LUZP2: variants seen among roughly 807,000 people sequenced by gnomAD.
LUZP2 encodes leucine zipper protein 2.
LUZP2 carries 52 observed loss-of-function variants against 51.6 expected under a neutral mutation model. That is an observed-to-expected ratio of 1.01 (90% CI 0.81 to 1.27). The LOEUF (loss-of-function observed/expected upper bound fraction) is 1.27, where lower values mean the gene tolerates loss of function less well. LUZP2 is among the 50% of genes most tolerant of loss of function. LUZP2 has a pLI of 0.00. For synonymous variants in LUZP2, 154 were observed against 137.3 expected, an observed-to-expected ratio of 1.12 and a Z score of -0.85; for missense variants, 436 against 395.4, an observed-to-expected ratio of 1.10 and a Z score of -0.87.
At chr11:24,813,237 G>A (rs1590575236) in intron 5 of LUZP2, among the ~76,000 whole-genome samples, 1 of 152,134 alleles carries the variant, frequency 6.6e-6, no homozygotes, top group East Asian at 1.9e-4. Context: ...TTCTTGTCTG[G>A]TAGTTCTCTA....
rs188415061 is a variant in LUZP2, at chr11:24,544,207, A to G, written c.62+46902A>G. ...GTGTCTGGTTCCGATGATCATCTTCAGTAATTGCCTGTCCGGAGGTCCAGT... is the reference window on the plus strand; with the variant it reads ...GTGTCTGGTTCCGATGATCATCTTCGGTAATTGCCTGTCCGGAGGTCCAGT... On this transcript the variant is annotated intron_variant, in intron 1 of 11. Transcript: ENST00000336930. Among the ~76,000 whole-genome samples, 353 of 152,164 alleles carry G rather than the reference A, an allele frequency of 2.3e-3. 1 individual carries two copies. Among genetic ancestry groups the G allele is most frequent in the African/African-American group, 8.2e-3 (341 of 41,540 alleles).
intron 1 of LUZP2, among the ~76,000 whole-genome samples, chr11:24,580,186 T>A (rs10834394): frequency 0.58 from 87,656 of 151,924 alleles, 25,890 homozygotes; most frequent in East Asian, 0.73. Context: ...TAGGCGCACA[T>A]CTGCAAGTCT....
At chr11:24,530,276 G>A (rs1850952030) in intron 1 of LUZP2, among the ~76,000 whole-genome samples, 1 of 150,772 alleles carries the variant, frequency 6.6e-6, no homozygotes, top group African/African-American at 2.4e-5. Flanking sequence ...CATAACTTCA[G>A]TATTGGCATA....
intron 5 of LUZP2, among the ~76,000 whole-genome samples, chr11:24,870,834 A>G (rs979145932): frequency 1.8e-4 from 28 of 152,306 alleles, no homozygotes; most frequent in African/African-American, 6.5e-4. Context: ...TAAGAAGTCC[A>G]GTAGCTGTTG....
chr11:24,978,930 CATT>C (rs1855952345), intron 8 of LUZP2, among the ~76,000 whole-genome samples: 1 of 151,682 alleles, frequency 6.6e-6, no homozygotes, highest in African/African-American at 2.4e-5. Flanking sequence ...CAACCCCTGT[CATT>C]ATGTCCCTAA....
intron 5 of LUZP2, among the ~76,000 whole-genome samples, chr11:24,877,874 C>T (rs919741307): frequency 6.6e-6 from 1 of 152,010 alleles, no homozygotes; most frequent in Non-Finnish European, 1.5e-5. Context: ...TCTTTCAGTG[C>T]CTGGCTTATT....
intron 1 of LUZP2, among the ~76,000 whole-genome samples, chr11:24,726,654 G>C (rs1429601925): frequency 6.6e-6 from 1 of 151,662 alleles, no homozygotes; most frequent in African/African-American, 2.4e-5. Context: ...TTTTAAGAGA[G>C]AAAGAAAAAA....
intron 1 of LUZP2, among the ~76,000 whole-genome samples, chr11:24,506,796 T>A (rs111797943): frequency 6.6e-6 from 1 of 151,922 alleles, no homozygotes. Context: ...TATCCCATAT[T>A]CCCCCAGCTA....
intron 1 of LUZP2, among the ~76,000 whole-genome samples, chr11:24,666,399 A>G (rs1018660155): frequency 6.6e-6 from 1 of 152,200 alleles, no homozygotes; most frequent in Non-Finnish European, 1.5e-5. Context: ...AATTGCCTGA[A>G]AAATACAGAC....
At chr11:24,871,222 A>G (rs1164372372) in intron 5 of LUZP2, among the ~76,000 whole-genome samples, 4 of 152,120 alleles carry the variant, frequency 2.6e-5, no homozygotes, top group Non-Finnish European at 5.9e-5. Context: ...TAAATTTTTA[A>G]AAATGAATTT....
intron 3 of LUZP2, among the ~76,000 whole-genome samples, chr11:24,734,361 C>T (rs1025351634): frequency 1.5e-5 from 1 of 68,736 alleles, no homozygotes; most frequent in African/African-American, 6.4e-5. Flanking sequence ...AAAAACAACA[C>T]AAAAATCAGG....
intron 9 of LUZP2, among the ~76,000 whole-genome samples, chr11:25,044,807 C>T (rs527720919): frequency 2.2e-4 from 33 of 152,030 alleles, no homozygotes; most frequent in African/African-American, 8.0e-4. Flanking sequence ...TTGGAACCAA[C>T]CTAAATGTCC....
chr11:24,512,567 A>G (rs1167092427), intron 1 of LUZP2, among the ~76,000 whole-genome samples: 2 of 152,152 alleles, frequency 1.3e-5, no homozygotes, highest in African/African-American at 4.8e-5. Context: ...TAATTATGGT[A>G]CTTTTTATTT....
At chr11:24,705,304 T>C (rs1331549140) in intron 1 of LUZP2, among the ~76,000 whole-genome samples, 1 of 152,216 alleles carries the variant, frequency 6.6e-6, no homozygotes, top group Admixed American at 6.5e-5. Context: ...AGAGGATGTG[T>C]AGGGAAACAT....
At chr11:25,045,856 A>G (rs940019236) in intron 9 of LUZP2, among the ~76,000 whole-genome samples, 13 of 152,136 alleles carry the variant, frequency 8.5e-5, no homozygotes, top group Admixed American at 6.6e-5. Flanking sequence ...CTGTGGTTAC[A>G]TGCAAAAAAT....
intron 7 of LUZP2, among the ~76,000 whole-genome samples, chr11:24,939,999 C>T (rs990045882): frequency 3.3e-5 from 5 of 152,034 alleles, no homozygotes; most frequent in African/African-American, 1.2e-4. Flanking sequence ...GACTGATCAG[C>T]AGGTCCACTG....
chr11:24,988,557 G>A (rs552014533), intron 9 of LUZP2, among the ~76,000 whole-genome samples: 11 of 152,066 alleles, frequency 7.2e-5, no homozygotes, highest in African/African-American at 2.2e-4. Context: ...GTAAAATACC[G>A]TGACTATATG....
chr11:24,845,379 G>A (rs1851168384), intron 5 of LUZP2, among the ~76,000 whole-genome samples: 2 of 152,064 alleles, frequency 1.3e-5, no homozygotes, highest in African/African-American at 4.8e-5. Context: ...ATCTGCTTTC[G>A]ATTTTACTGG....
At chr11:24,746,797 C>T (rs943731855) in intron 4 of LUZP2, among the ~76,000 whole-genome samples, 2 of 152,100 alleles carry the variant, frequency 1.3e-5, no homozygotes, top group Admixed American at 6.5e-5. Flanking sequence ...ATTGGAAGAC[C>T]TTGTCTTTGA....
Sources: gnomAD v4.1 joint callset for allele counts (sites outside exome capture counted in the v4.1 genomes callset) on GRCh38, gnomAD v4.1.1 for gene constraint, MANE v1.5 for transcripts, NCBI Gene and HGNC (gene_info 2026-07-23, HGNC 2026-07-21) for gene names.